Variants in ATG2B observed in about 807,000 individuals in gnomAD.
The protein encoded by ATG2B is autophagy-related protein 2 homolog B.
A neutral mutation model predicts 241.3 loss-of-function variants in ATG2B; 121 were observed. The ratio of observed to expected loss-of-function variants is 0.50; its 90% CI spans 0.43 to 0.58. ATG2B has a LOEUF of 0.58. ATG2B is among the 20% of genes least tolerant of loss of function. The pLI, the probability that ATG2B is intolerant of heterozygous loss-of-function variation, is 0.00. For synonymous variants in ATG2B, 858 were observed against 876.6 expected (o/e 0.98, Z 0.37); for missense variants, 2,306 against 2,491.6 (o/e 0.93, Z 1.59).
chr14:96,329,251 A>C (rs965473045), intron 12 of ATG2B, among the ~76,000 whole-genome samples: 1 of 152,150 alleles, frequency 6.6e-6, no homozygotes, highest in Admixed American at 6.5e-5. Flanking sequence ...CTCATAACCC[A>C]CCTGTCACTC....
chr14:96,292,765 GT>G (rs1448244739), intron 36 of ATG2B, among the ~76,000 whole-genome samples: 3 of 152,230 alleles, frequency 2.0e-5, no homozygotes, highest in Non-Finnish European at 4.4e-5. Flanking sequence ...AGGGAACGGT[GT>G]GAGAATGAAA....
chr14:96,350,825 A>G (rs1888298432), intron 1 of ATG2B, among the ~76,000 whole-genome samples: 1 of 152,216 alleles, frequency 6.6e-6, no homozygotes, highest in African/African-American at 2.4e-5. Flanking sequence ...GTTTTAAGGT[A>G]TAAGCATCCA....
At chr14:96,317,625 C>T in intron 19 of ATG2B, 73 bp downstream of exon 19, 1 of 1,254,744 alleles carries the variant, frequency 8.0e-7, no homozygotes, top group Non-Finnish European at 1.1e-6. Context: ...TTTAAATCCA[C>T]AATTCAAAGG....
intron 1 of ATG2B, among the ~76,000 whole-genome samples, chr14:96,354,866 G>A (rs1200340634): frequency 6.6e-6 from 1 of 152,020 alleles, no homozygotes; most frequent in Non-Finnish European, 1.5e-5. Flanking sequence ...ATCTCATTGT[G>A]GTTTTGATTT....
At chr14:96,358,909 TATC>T (rs1486703240) in intron 1 of ATG2B, among the ~76,000 whole-genome samples, 2 of 152,194 alleles carry the variant, frequency 1.3e-5, no homozygotes, top group African/African-American at 2.4e-5. Context: ...TGCTTTCAAT[TATC>T]ATCAATGAGT....
At chr14:96,342,413 G>A (rs12878770) in intron 5 of ATG2B, among the ~76,000 whole-genome samples, 49,366 of 151,890 alleles carry the variant, frequency 0.33, 9,143 homozygotes, top group Non-Finnish European at 0.42. Flanking sequence ...CAGGCTATGT[G>A]TATAAGGCAT....
chr14:96,327,927 C>T (rs1250954212), intron 14 of ATG2B, among the ~76,000 whole-genome samples: 2 of 152,204 alleles, frequency 1.3e-5, no homozygotes, highest in Non-Finnish European at 2.9e-5. Context: ...AAGCTATTCT[C>T]ATGCCTCAGC....
In ATG2B at chr14:96,331,622, G is replaced by A; in HGVS notation, c.1484C>T (p.Ser495Phe). The change falls in exon 11 of 42, where the codon TCT becomes TTT. Residue 495 changes from serine (S) to phenylalanine (F), a missense_variant. Around this residue, in one of 2 missense-constraint regions of ATG2B, gnomAD observed 1,927 missense variants for 2,011.2 expected, o/e 0.96. Coordinates refer to ENST00000359933, the MANE Select transcript of ATG2B (RefSeq NM_018036.7). ...AGGCCTTGATTCATCCACTGAAACA[G>A]ATCTAGATGGGAGAGCTAAAATACA... is the stretch of plus-strand genomic sequence containing the variant. ...PLQKTSLPSR[S>F]VSVDESRPEL... 1 of 1,606,564 alleles carries A rather than the reference G, an allele frequency of 6.2e-7. No homozygotes were observed. Among genetic ancestry groups the A allele is most frequent in the East Asian group, 2.2e-5 (1 of 44,834 alleles).
rs993147000 is a variant in ATG2B at position 96,284,567 on chromosome 14, T to A, written c.*1188A>T. The A allele has an allele frequency of 1.3e-5, 2 of 152,172 alleles. No homozygotes were observed. The highest frequency in any genetic ancestry group is 1.3e-4 in the Admixed American group (2 of 15,272). The allele number at this position is 152,172 out of a possible 1,614,324, so 9.4% of individuals were successfully genotyped here. A position where few individuals can be genotyped will look rare whatever the true frequency, so the allele number is the denominator to read the frequency against. The stretch of plus-strand genomic sequence containing the variant: ...AGTTCCACCTTTTCTTTCTGCTGGA[T>A]CAATCTAAAGTCAGGAATTGACAAC... On this transcript the variant is annotated 3_prime_UTR_variant, in exon 42 of 42. Transcript: ENST00000359933.
chr14:96,329,410 A>G (rs1887671128), intron 12 of ATG2B, 74 bp downstream of exon 12: 6 of 1,046,736 alleles, frequency 5.7e-6, no homozygotes, highest in Non-Finnish European at 8.1e-6. Context: ...AAAGAAAATC[A>G]TTGCCTCATA....
In ATG2B at chr14:96,322,590, G is replaced by A; in HGVS notation, c.2686C>T (p.Pro896Ser). Residue 896 changes from proline to serine, a missense_variant, in exon 17 of 42, where the codon CCA (proline) becomes TCA (serine). Physicochemically the swap from Pro to Ser is moderately conservative, Grantham distance 74 (BLOSUM62 -1). Coordinates refer to ENST00000359933, the MANE Select transcript of ATG2B (RefSeq NM_018036.7). ...CGAGAAGAAAAAGGAGATGGGGCTG[G>A]TCTTCTTAGATCACAAACATCTTTC... ...SLKDVCDLRR[P>S]APSPFSSRRV... 6.2e-7 allele frequency: 1 copy of A among 1,613,456 alleles called. No individual in the cohort carries two copies. Among genetic ancestry groups the A allele is most frequent in the Non-Finnish European group, 8.5e-7 (1 of 1,179,834 alleles).
chr14:96,296,749 A>C (rs1431587980), intron 34 of ATG2B, among the ~76,000 whole-genome samples: 3 of 150,350 alleles, frequency 2.0e-5, no homozygotes, highest in Non-Finnish European at 4.4e-5. Context: ...CGACAGTGCG[A>C]GACACTGTCT....
At chr14:96,318,937 T>C (rs1887387932) in intron 18 of ATG2B, among the ~76,000 whole-genome samples, 1 of 152,204 alleles carries the variant, frequency 6.6e-6, no homozygotes, top group South Asian at 2.1e-4. Context: ...GAGAGGGACT[T>C]GTGTCGATCA....
At chr14:96,311,726 A>G (rs1887163562) in intron 26 of ATG2B, 108 bp from the exon 27 acceptor site, 2 of 671,170 alleles carry the variant, frequency 3.0e-6, no homozygotes, top group Non-Finnish European at 2.6e-6. Context: ...TGCAGAGAGC[A>G]CTACAAATAA....
chr14:96,285,824 G>A lies in ATG2B; in HGVS notation c.6168C>T (p.Gly2056=), dbSNP rs151219519. Residue 2056 remains glycine, a synonymous_variant, in exon 42 of 42, where the codon GGC becomes GGT. Coordinates refer to ENST00000359933, the MANE Select transcript of ATG2B (RefSeq NM_018036.7). This position sits in a 1 kb window ranked among gnomAD's most constrained non-coding sequence, Gnocchi z 4.2. ...ATEATSNVLG[G]MRNQIRPDVR... ...CATCTGGCCTAATTTGGTTTCTCAT[G>A]CCACCCAGCACGTTTGACGTTGCTT... is the stretch of plus-strand genomic sequence containing the variant. The A allele has an allele frequency of 3.8e-3, 6,097 of 1,614,096 alleles. 14 individuals are homozygous for A. Among genetic ancestry groups the A allele is most frequent in the Non-Finnish European group, 4.7e-3 (5,586 of 1,180,026 alleles).
intron 41 of ATG2B, among the ~76,000 whole-genome samples, chr14:96,287,128 G>A (rs796683736): frequency 6.6e-5 from 10 of 151,816 alleles, no homozygotes; most frequent in African/African-American, 1.9e-4. Context: ...GGTGGCAGGC[G>A]CCTGTAGTCC....
chr14:96,335,088 A>G (rs1887835572), intron 6 of ATG2B, among the ~76,000 whole-genome samples: 1 of 152,082 alleles, frequency 6.6e-6, no homozygotes, highest in South Asian at 2.1e-4. Flanking sequence ...TCTCTTTTCC[A>G]ACTCTTTGCC....
chr14:96,283,743 A>C lies in ATG2B; in HGVS notation c.*2012T>G, dbSNP rs1405254565. ...AATGTAGAAGTGTTCCGATATAGAT[A>C]AACATCTTTCCAGAATCTCAGGTAA... On this transcript the variant is annotated 3_prime_UTR_variant, in exon 42 of 42. Coordinates refer to ENST00000359933, the MANE Select transcript of ATG2B (RefSeq NM_018036.7). 6.6e-6 allele frequency: 1 copy of C among 152,238 alleles called. No individual in the cohort carries two copies. The highest frequency in any genetic ancestry group is 2.4e-5 in the African/African-American group (1 of 41,472). 9.4% of individuals were successfully genotyped at this position (152,238 alleles called of 1,614,324 possible). A position where few individuals can be genotyped will look rare whatever the true frequency, so the allele number is the denominator to read the frequency against.
chr14:96,299,906 GA>G (rs1274497636), intron 34 of ATG2B, among the ~76,000 whole-genome samples: 1 of 152,050 alleles, frequency 6.6e-6, no homozygotes, highest in Non-Finnish European at 1.5e-5. Context: ...GTTTTCACAA[GA>G]AAAAATAAAC....
Sources: allele counts gnomAD v4.1 joint callset (sites outside exome capture counted in the v4.1 genomes callset), GRCh38; gene constraint gnomAD v4.1.1; regional missense constraint gnomAD v4.1.1; non-coding constraint Gnocchi (gnomAD v3.1); transcripts MANE v1.5; gene names NCBI Gene and HGNC (gene_info 2026-07-23, HGNC 2026-07-21).